ALK: variants seen among roughly 807,000 people sequenced by gnomAD.
ALK encodes ALK tyrosine kinase receptor.
In ALK, 74 loss-of-function variants were observed where a neutral mutation model predicts 163.1. The observed-to-expected ratio is 0.45, with a 90% CI of 0.38 to 0.55. ALK has a LOEUF of 0.55. ALK is among the 20% of genes least tolerant of loss of function. The pLI, the probability that ALK is intolerant of heterozygous loss-of-function variation, is 0.00. For missense variants in ALK, 2,063 were observed against 2,105.3 expected (o/e 0.98, Z 0.39); for synonymous variants, 960 against 843.2 (o/e 1.14, Z -2.40).
intron 1 of ALK, among the ~76,000 whole-genome samples, chr2:29,895,144 A>G (rs1310262892): frequency 6.6e-6 from 1 of 152,114 alleles, no homozygotes; most frequent in Non-Finnish European, 1.5e-5. Context: ...ATAAGGCAGG[A>G]TTTGGATTTG....
At chr2:29,737,295 A>G (rs1012038404) in intron 1 of ALK, among the ~76,000 whole-genome samples, 3 of 152,046 alleles carry the variant, frequency 2.0e-5, no homozygotes, top group Non-Finnish European at 4.4e-5. Flanking sequence ...TAGCTTTGTT[A>G]TATTTGTATT....
chr2:29,889,143 TTC>T (rs1667067745), intron 1 of ALK, among the ~76,000 whole-genome samples: 1 of 152,150 alleles, frequency 6.6e-6, no homozygotes, highest in African/African-American at 2.4e-5. Context: ...TCTTAAAAAG[TTC>T]TGTCTTTTTA....
intron 12 of ALK, among the ~76,000 whole-genome samples, chr2:29,250,422 C>T (rs544210973): frequency 1.3e-5 from 2 of 152,322 alleles, no homozygotes; most frequent in South Asian, 4.1e-4. Context: ...TGCATTGACA[C>T]CACCCGAGAA....
chr2:29,281,130 C>G (rs544716647), intron 9 of ALK, among the ~76,000 whole-genome samples: 218 of 152,342 alleles, frequency 1.4e-3, no homozygotes, highest in Non-Finnish European at 2.4e-3. Flanking sequence ...GTAGACCACT[C>G]TGGGACTGAG....
intron 8 of ALK, 120 bp downstream of exon 8, chr2:29,318,184 T>C: frequency 2.5e-6 from 2 of 794,468 alleles, no homozygotes; most frequent in Non-Finnish European, 4.4e-6. Context: ...GGTGGCCCTC[T>C]TGTTCTCTCC....
At chr2:29,334,278 T>C (rs1238136705) in intron 5 of ALK, among the ~76,000 whole-genome samples, 1 of 152,184 alleles carries the variant, frequency 6.6e-6, no homozygotes, top group Non-Finnish European at 1.5e-5. Flanking sequence ...GGGGGAGGTG[T>C]CAAGTCTCAC....
At chr2:29,479,955 T>C (rs1036489769) in intron 4 of ALK, among the ~76,000 whole-genome samples, 7 of 152,360 alleles carry the variant, frequency 4.6e-5, no homozygotes, top group Middle Eastern at 3.4e-3. Flanking sequence ...AAGTTGTTTG[T>C]TCTTCCTAAA....
chr2:29,609,675 G>T (rs1193382359), intron 3 of ALK, among the ~76,000 whole-genome samples: 1 of 148,548 alleles, frequency 6.7e-6, no homozygotes, highest in Non-Finnish European at 1.5e-5. Flanking sequence ...ACAGGGTCTT[G>T]CTCTGTCACC....
chr2:29,252,193 T>C (rs1280163855), intron 11 of ALK, among the ~76,000 whole-genome samples: 1 of 87,634 alleles, frequency 1.1e-5, no homozygotes, highest in East Asian at 3.9e-4. Context: ...CCGCGGGCCA[T>C]TTCCTTTCAA....
chr2:29,561,519 A>G (rs760630830), intron 3 of ALK, among the ~76,000 whole-genome samples: 5 of 152,198 alleles, frequency 3.3e-5, no homozygotes, highest in Non-Finnish European at 7.3e-5. Context: ...TCAATGGCAC[A>G]TCCATCGCGT....
intron 1 of ALK, among the ~76,000 whole-genome samples, chr2:29,724,226 G>T (rs1679502004): frequency 6.6e-6 from 1 of 152,114 alleles, no homozygotes; most frequent in Non-Finnish European, 1.5e-5. Context: ...TTCCTACCTT[G>T]CCTGTACACG....
chr2:29,834,452 C>CA (rs973385698), intron 1 of ALK, among the ~76,000 whole-genome samples: 28 of 152,068 alleles, frequency 1.8e-4, no homozygotes, highest in African/African-American at 6.0e-4. Flanking sequence ...GGGGAAGTAC[C>CA]AACTCTAAAC....
chr2:29,228,932 CTCCGAA>C lies in ALK; in HGVS notation c.2761_2766del (p.Phe921_Gly922del). 1.1e-5 allele frequency: 17 copies of C among 1,503,630 alleles called. No homozygotes were observed. Among genetic ancestry groups the C allele is most frequent in the Non-Finnish European group, 1.4e-5 (15 of 1,086,506 alleles). The allele number at this position is 1,503,630 out of a possible 1,614,324, so 93.1% of individuals were successfully genotyped here. ...CCTGAGGAGCACCCCCCTCCACCCC[CTCCGAA>C]ACCCCCTCTTGTCTCCCACCCCCAC... is the stretch of plus-strand genomic sequence containing the variant. On this transcript the variant is annotated inframe_deletion, in exon 16 of 29. Transcript: ENST00000389048.
chr2:29,894,833 AACACACACACACACACACAAACACAC>A (rs1324807611), intron 1 of ALK, among the ~76,000 whole-genome samples: 1 of 149,980 alleles, frequency 6.7e-6, no homozygotes, highest in African/African-American at 2.5e-5. Context: ...TGATGCTTCA[AACACACACACACACACACAAACACAC>A]ACACACACAC....
intron 1 of ALK, among the ~76,000 whole-genome samples, chr2:29,805,741 C>T (rs138602531): frequency 0.024 from 3,622 of 152,176 alleles, 132 homozygotes; most frequent in African/African-American, 0.082. Context: ...TCCAGTCTAT[C>T]GTTGATGGGC....
Position 29,193,435 on chromosome 2 carries a change from G to A in ALK, c.4652C>T (p.Pro1551Leu), listed in dbSNP as rs200425614. 22 of 1,614,162 alleles carry A rather than the reference G, an allele frequency of 1.4e-5. 1 individual carries two copies. The highest frequency in any genetic ancestry group is 3.3e-4 in the Middle Eastern group (2 of 6,062). The change falls in exon 29 of 29, where the codon CCG becomes CTG. Residue 1551 changes from proline to leucine, a missense_variant. Around this residue, in one of 5 missense-constraint regions of ALK, gnomAD observed 403 missense variants for 366.2 expected, o/e 1.10. Coordinates refer to ENST00000389048, the MANE Select transcript of ALK (RefSeq NM_004304.5). The stretch of plus-strand genomic sequence containing the variant: ...GGGCTCTAGGAGCAGTGAGGCCCCC[G>A]GAAGTCTCCCAGTTGCAACGTTAGG... ...VPPNVATGRL[P>L]GASLLLEPSS...
intron 23 of ALK, among the ~76,000 whole-genome samples, chr2:29,217,831 C>T (rs904069480): frequency 5.9e-5 from 9 of 152,156 alleles, no homozygotes; most frequent in African/African-American, 2.2e-4. Flanking sequence ...CCTCTGAAGT[C>T]CAAGTTTCAG....
At chr2:29,619,903 A>C (rs563756735) in intron 3 of ALK, among the ~76,000 whole-genome samples, 61 of 152,288 alleles carry the variant, frequency 4.0e-4, no homozygotes, top group African/African-American at 1.4e-3. Context: ...GGGCTGCATC[A>C]GGTGCCCATA....
intron 5 of ALK, among the ~76,000 whole-genome samples, chr2:29,377,233 T>TG (rs1668774292): frequency 1.3e-5 from 2 of 152,024 alleles, no homozygotes; most frequent in Non-Finnish European, 2.9e-5. Context: ...ATCCCAGCAC[T>TG]TGGGAAGCCA....
Sources: allele counts gnomAD v4.1 joint callset (sites outside exome capture counted in the v4.1 genomes callset), GRCh38; gene constraint gnomAD v4.1.1; regional missense constraint gnomAD v4.1.1; transcripts MANE v1.5; gene names NCBI Gene and HGNC (gene_info 2026-07-23, HGNC 2026-07-21).